DNAI7: variants seen among roughly 807,000 people sequenced by gnomAD.
DNAI7 encodes dynein axonemal intermediate chain 7, also known as cancer susceptibility 1.
Under a neutral mutation model 86.6 loss-of-function variants are expected in DNAI7, and 78 were observed. That is an observed-to-expected ratio of 0.90 (90% CI 0.75 to 1.09). DNAI7 has a LOEUF of 1.09. Among genes scored for constraint, DNAI7 ranks in the 50% least tolerant of loss-of-function variants. The pLI is 0.00. For missense variants in DNAI7, 753 were observed against 810.2 expected, an observed-to-expected ratio of 0.93 and a Z score of 0.86; for synonymous variants, 274 against 273.0, an observed-to-expected ratio of 1.00 and a Z score of -0.04.
intron 9 of DNAI7, among the ~76,000 whole-genome samples, chr12:25,136,235 G>A (rs78043292): frequency 0.01 from 1,557 of 152,272 alleles, 23 homozygotes; most frequent in African/African-American, 0.035. Flanking sequence ...TACATCACAC[G>A]ACTCTTTGCA....
intron 3 of DNAI7, among the ~76,000 whole-genome samples, chr12:25,160,796 AT>A (rs896324755): frequency 1.6e-3 from 236 of 150,286 alleles, no homozygotes; most frequent in African/African-American, 4.6e-3. Context: ...ATTTAAAACA[AT>A]TTTTTTTTTA....
At chr12:25,146,818 T>C (rs1231707695) in intron 8 of DNAI7, among the ~76,000 whole-genome samples, 183 bp downstream of exon 8, 1 of 152,212 alleles carries the variant, frequency 6.6e-6, no homozygotes. Context: ...ATACTGAAGC[T>C]CAACAAAGTA....
At chr12:25,175,886 T>G (rs1948904459) in intron 2 of DNAI7, among the ~76,000 whole-genome samples, 1 of 151,390 alleles carries the variant, frequency 6.6e-6, no homozygotes, top group Admixed American at 6.6e-5. Context: ...GAGACCAGCC[T>G]GGCCAACATG....
chr12:25,142,349 G>T (rs1944305528), intron 9 of DNAI7, among the ~76,000 whole-genome samples: 1 of 152,172 alleles, frequency 6.6e-6, no homozygotes, highest in African/African-American at 2.4e-5. Context: ...CTCAAGGGAA[G>T]GGTGGGAGGG....
At chr12:25,124,497 T>C (rs1433981994) in intron 9 of DNAI7, among the ~76,000 whole-genome samples, 1 of 152,156 alleles carries the variant, frequency 6.6e-6, no homozygotes, top group Non-Finnish European at 1.5e-5. Context: ...GTAAGTGTTG[T>C]AGTATAAAGT....
chr12:25,108,751 C>G lies in DNAI7; in HGVS notation c.1966G>C (p.Ala656Pro). The part of the protein sequence containing the change: ...WALLMFSGDR[A>P]QRLKIKEESE... ...TCTTCCTTGATCTTCAGTCTTTGTG[C>G]TCTGTCACCACTAAACATTAAAAGG... The change falls in exon 16 of 16, where the codon GCA (alanine) becomes CCA (proline). Residue 656 changes from alanine (A) to proline (P), a missense_variant. By Grantham distance (27) the Ala-to-Pro change is conservative (BLOSUM62 -1). Coordinates refer to ENST00000395987, the MANE Select transcript of DNAI7 (RefSeq NM_018272.5). 6.9e-7 allele frequency: 1 copy of G among 1,454,956 alleles called. No individual in the cohort carries two copies. The highest frequency in any genetic ancestry group is 1.1e-5 in the South Asian group (1 of 88,832). 90.1% of individuals were successfully genotyped at this position (1,454,956 alleles called of 1,614,324 possible).
At chr12:25,141,981 C>T (rs1327159879) in intron 9 of DNAI7, among the ~76,000 whole-genome samples, 1 of 152,098 alleles carries the variant, frequency 6.6e-6, no homozygotes, top group African/African-American at 2.4e-5. Context: ...CCATTTGATC[C>T]AGCAATCCCA....
chr12:25,127,673 A>T (rs1942336091), intron 9 of DNAI7, among the ~76,000 whole-genome samples: 2 of 152,226 alleles, frequency 1.3e-5, no homozygotes, highest in African/African-American at 4.8e-5. Flanking sequence ...ATACCATGAA[A>T]GAATGTCATG....
chr12:25,136,104 G>A (rs73069109), intron 9 of DNAI7, among the ~76,000 whole-genome samples: 3,099 of 152,278 alleles, frequency 0.02, 56 homozygotes, highest in South Asian at 0.069. Flanking sequence ...GCCAGCATTT[G>A]AGAAAACCAG....
chr12:25,187,463 G>T (rs952777965), intron 2 of DNAI7, among the ~76,000 whole-genome samples: 4 of 151,968 alleles, frequency 2.6e-5, no homozygotes, highest in African/African-American at 9.7e-5. Flanking sequence ...TTATATTCCT[G>T]TCTCACTTCC....
chr12:25,108,054 A>G (rs1311523208), downstream of DNAI7: 1 of 1,613,438 alleles, frequency 6.2e-7, no homozygotes, highest in Non-Finnish European at 8.5e-7. Context: ...GGCCACCACC[A>G]GTGTGACAGC....
chr12:25,151,575 T>C lies in DNAI7; in HGVS notation c.439-1801A>G, dbSNP rs536408661. ...CCCTTGCAGCTCATCACTGGTGAAC[T>C]CTAGTACTACTTCCCACTGCCTCCC... On this transcript the variant is annotated intron_variant, in intron 6 of 15. Coordinates refer to ENST00000395987, the MANE Select transcript of DNAI7 (RefSeq NM_018272.5). Among the ~76,000 whole-genome samples the C allele has an allele frequency of 1.6e-4, 24 of 152,350 alleles. No individual in the cohort carries two copies. In the South Asian group the frequency reaches 1.9e-3, roughly 12 times the overall value.
intron 9 of DNAI7, among the ~76,000 whole-genome samples, chr12:25,143,778 G>C (rs973074617): frequency 2.0e-5 from 3 of 152,136 alleles, no homozygotes; most frequent in African/African-American, 7.2e-5. Context: ...TTAGCTCTGA[G>C]AAAGTATTAC....
At chr12:25,129,208 A>G (rs1180043685) in intron 9 of DNAI7, among the ~76,000 whole-genome samples, 1 of 152,114 alleles carries the variant, frequency 6.6e-6, no homozygotes, top group Non-Finnish European at 1.5e-5. Flanking sequence ...TAACTACCCA[A>G]TGTAAAGTCA....
intron 9 of DNAI7, among the ~76,000 whole-genome samples, chr12:25,129,370 G>A (rs1026509618): frequency 1.1e-4 from 16 of 152,176 alleles, no homozygotes; most frequent in African/African-American, 3.9e-4. Flanking sequence ...CCGAGGGCCA[G>A]AATGGTGCCT....
Position 25,119,205 on chromosome 12 carries a change from C to G in DNAI7, c.1336G>C (p.Glu446Gln), listed in dbSNP as rs1306808137. The change falls in exon 12 of 16, where the codon GAG becomes CAG. Residue 446 changes from glutamate to glutamine, a missense_variant. By Grantham distance (29) the Glu-to-Gln change is conservative. Transcript: ENST00000395987. ...AAAAAGATTACATTCTCATGAACCT[C>G]AAGTGTGACCTCTATAGGTGGGAAA... ...NAFPPIEVTL[E>Q]VHENVIFFED... The G allele has an allele frequency of 1.2e-6, 2 of 1,612,866 alleles. No homozygotes were observed. Among genetic ancestry groups the G allele is most frequent in the East Asian group, 4.5e-5 (2 of 44,838 alleles).
At chr12:25,111,737 C>T (rs1378956547) in intron 14 of DNAI7, 35 bp downstream of exon 14, 31 of 1,396,792 alleles carry the variant, frequency 2.2e-5, no homozygotes, top group Non-Finnish European at 2.9e-5. Flanking sequence ...ATTTTAAATG[C>T]ACGCCACATT....
At chr12:25,183,934 AC>A (rs946298357) in intron 2 of DNAI7, among the ~76,000 whole-genome samples, 1 of 152,022 alleles carries the variant, frequency 6.6e-6, no homozygotes, top group Non-Finnish European at 1.5e-5. Context: ...TGTTCTCTCT[AC>A]CAGTTGAGAA....
chr12:25,192,858 C>T lies in DNAI7; in HGVS notation c.3+2218G>A, dbSNP rs113594342. The T allele has an allele frequency of 2.1e-3, 195 of 94,314 alleles. 1 individual carries two copies. The highest frequency in any genetic ancestry group is 7.4e-3 in the African/African-American group (190 of 25,654). 5.8% of individuals were successfully genotyped at this position (94,314 alleles called of 1,614,324 possible). A position where few individuals can be genotyped will look rare whatever the true frequency, so the allele number is the denominator to read the frequency against. ...CAAAAAAAAAAAAAAAAAAAAAAATCATATGTTGGCTGGGTGCACTGGCTT... is the reference window on the plus strand; with the variant it reads ...CAAAAAAAAAAAAAAAAAAAAAAATTATATGTTGGCTGGGTGCACTGGCTT... On this transcript the variant is annotated intron_variant, in intron 1 of 15. Coordinates refer to ENST00000395987, the MANE Select transcript of DNAI7 (RefSeq NM_018272.5).
Sources: allele counts gnomAD v4.1 joint callset (sites outside exome capture counted in the v4.1 genomes callset), GRCh38; gene constraint gnomAD v4.1.1; transcripts MANE v1.5; gene names NCBI Gene and HGNC (gene_info 2026-07-23, HGNC 2026-07-21).